Variants in CAPZA1 observed in about 807,000 individuals in gnomAD.
CAPZA1 encodes the protein capping actin protein of muscle Z-line subunit alpha 1.
In CAPZA1, 10 loss-of-function variants were observed where a neutral mutation model predicts 40.8. That is an observed-to-expected ratio of 0.25 (90% CI 0.15 to 0.42). CAPZA1 has a LOEUF of 0.42. Ranked by LOEUF, CAPZA1 falls within the 10% of genes least tolerant of loss-of-function variation. The probability of loss-of-function intolerance (pLI) is 1.00; values close to 1 mark genes in which losing one functional copy is unlikely to be tolerated. For missense variants in CAPZA1, 277 were observed against 353.8 expected (o/e 0.78, Z 1.74); for synonymous variants, 98 against 115.0 (o/e 0.85, Z 0.95).
chr1:112,669,724 T>C (rs2101195828), intron 9 of CAPZA1, 119 bp downstream of exon 9: 2 of 843,760 alleles, frequency 2.4e-6, no homozygotes, highest in East Asian at 2.6e-5. Flanking sequence ...TTTTACTAAA[T>C]GTGGGAGACT....
chr1:112,622,568 A>C lies in CAPZA1; in HGVS notation c.39+2685A>C, dbSNP rs564963477. On this transcript the variant is annotated intron_variant, in intron 1 of 9. Coordinates refer to ENST00000263168, the MANE Select transcript of CAPZA1 (RefSeq NM_006135.3). ...CAACATTTGTAAAACATAAAAGCAA[A>C]GAGAATTTTGGGGGGCTGGAAAAAA... Among the ~76,000 whole-genome samples the C allele has an allele frequency of 9.1e-4, 139 of 152,320 alleles. 1 individual carries two copies. The highest frequency in any genetic ancestry group is 3.2e-3 in the African/African-American group (134 of 41,566).
At chr1:112,630,414 G>T (rs1670898024) in intron 1 of CAPZA1, among the ~76,000 whole-genome samples, 1 of 151,908 alleles carries the variant, frequency 6.6e-6, no homozygotes, top group African/African-American at 2.4e-5. Flanking sequence ...TGCCATCTCG[G>T]CTCACTGCAA....
chr1:112,629,889 A>G (rs1570701575), intron 1 of CAPZA1, among the ~76,000 whole-genome samples: 1 of 151,746 alleles, frequency 6.6e-6, no homozygotes, highest in African/African-American at 2.4e-5. Context: ...ACCCTATCTA[A>G]AGTACTTTGC....
chr1:112,667,043 C>A (rs778123249), intron 7 of CAPZA1, 31 bp from the exon 8 acceptor site: 11 of 1,538,370 alleles, frequency 7.2e-6, no homozygotes, highest in Non-Finnish European at 9.8e-6. Context: ...ATGAACTTCC[C>A]CTAAAAAGGC....
At chr1:112,638,788 A>AT (rs1671070489) in intron 1 of CAPZA1, among the ~76,000 whole-genome samples, 2 of 151,278 alleles carry the variant, frequency 1.3e-5, no homozygotes, top group Non-Finnish European at 3.0e-5. Context: ...TACAAACATT[A>AT]GCCAGGTGTG....
chr1:112,666,850 TAATAATC>T (rs2101192524), intron 7 of CAPZA1: 2 of 502,288 alleles, frequency 4.0e-6, no homozygotes, highest in East Asian at 6.5e-5. Flanking sequence ...TTCTTGAACT[TAATAATC>T]AGTTTTCCTT....
chr1:112,634,524 A>C (rs1356575687), intron 1 of CAPZA1, among the ~76,000 whole-genome samples: 1 of 152,140 alleles, frequency 6.6e-6, no homozygotes, highest in Admixed American at 6.6e-5. Flanking sequence ...TCTTTGAAGT[A>C]GTAATTTGAT....
Position 112,633,748 on chromosome 1 carries a change from A to G in CAPZA1, c.40-13462A>G, listed in dbSNP as rs555567220. Among the ~76,000 whole-genome samples, 142 of 152,184 alleles carry G rather than the reference A, an allele frequency of 9.3e-4. 1 individual carries two copies. The highest frequency in any genetic ancestry group is 3.3e-3 in the African/African-American group (138 of 41,554). Reference sequence around the variant, plus strand: ...CTTTTTCTCCTTATCCTGGCCCAAGACTTGTTATCATTTGTCTTTTTGATA... The same window carrying G: ...CTTTTTCTCCTTATCCTGGCCCAAGGCTTGTTATCATTTGTCTTTTTGATA... On this transcript the variant is annotated intron_variant, in intron 1 of 9. Transcript: ENST00000263168.
intron 1 of CAPZA1, among the ~76,000 whole-genome samples, chr1:112,631,424 T>C (rs1292435533): frequency 6.6e-6 from 1 of 152,140 alleles, no homozygotes; most frequent in Non-Finnish European, 1.5e-5. Flanking sequence ...GTAGGTTTTA[T>C]AATCACAAAT....
Position 112,659,107 on chromosome 1 carries a change from A to G in CAPZA1, c.506+6A>G. On this transcript the variant is annotated splice_donor_region_variant and intron_variant, in intron 6 of 9. Transcript: ENST00000263168. ...TTTCAGCCTAAAAACTTCTGGTAAGAAGTAGATATTCTCTTCTATTTACAT... is the reference window on the plus strand; with the variant it reads ...TTTCAGCCTAAAAACTTCTGGTAAGGAGTAGATATTCTCTTCTATTTACAT... The G allele has an allele frequency of 6.3e-7, 1 of 1,585,496 alleles. No homozygotes were observed. The highest frequency in any genetic ancestry group is 8.7e-7 in the Non-Finnish European group (1 of 1,154,360).
intron 1 of CAPZA1, among the ~76,000 whole-genome samples, chr1:112,639,283 T>C (rs917463449): frequency 1.3e-5 from 2 of 152,170 alleles, no homozygotes; most frequent in Admixed American, 6.5e-5. Flanking sequence ...CTCGCTTTCA[T>C]TTAAAAACTG....
intron 5 of CAPZA1, among the ~76,000 whole-genome samples, chr1:112,655,099 A>G (rs1330690168): frequency 6.6e-6 from 1 of 152,110 alleles, no homozygotes; most frequent in African/African-American, 2.4e-5. Flanking sequence ...GCTTTTGCTC[A>G]TATTTATGGC....
intron 7 of CAPZA1, among the ~76,000 whole-genome samples, chr1:112,666,240 A>G (rs535272024): frequency 5.7e-4 from 87 of 152,224 alleles, no homozygotes; most frequent in Middle Eastern, 3.4e-3. Flanking sequence ...TCCAAATTAA[A>G]CCAGTTATAC....
chr1:112,620,076 T>G, intron 1 of CAPZA1, 193 bp downstream of exon 1: 3 of 536,384 alleles, frequency 5.6e-6, no homozygotes, highest in Non-Finnish European at 1.0e-5. Context: ...CAGTTCCTCG[T>G]TCCTCGACTC....
intron 9 of CAPZA1, 33 bp from the exon 10 acceptor site, chr1:112,669,959 T>G (rs754385708): frequency 6.2e-7 from 1 of 1,613,018 alleles, no homozygotes; most frequent in South Asian, 1.1e-5. Context: ...CCCATTTCTG[T>G]TCAAGCAACT....
At chr1:112,649,106 G>A (rs181336192) in intron 2 of CAPZA1, among the ~76,000 whole-genome samples, 144 of 152,260 alleles carry the variant, frequency 9.5e-4, no homozygotes, top group Middle Eastern at 6.8e-3. Flanking sequence ...TTGTAGAAAC[G>A]CCTGCAATTC....
intron 1 of CAPZA1, among the ~76,000 whole-genome samples, chr1:112,642,417 A>T (rs946118685): frequency 2.0e-5 from 3 of 151,514 alleles, no homozygotes; most frequent in African/African-American, 7.3e-5. Flanking sequence ...GGGTTTCACC[A>T]TCTTGGCCAG....
chr1:112,634,399 G>C (rs539422291), intron 1 of CAPZA1, among the ~76,000 whole-genome samples: 12 of 152,252 alleles, frequency 7.9e-5, no homozygotes, highest in Admixed American at 1.3e-4. Context: ...TTTTCATAAA[G>C]CTTTTTTGGT....
chr1:112,669,956 C>T, intron 9 of CAPZA1, 36 bp from the exon 10 acceptor site: 1 of 1,612,624 alleles, frequency 6.2e-7, no homozygotes, highest in Non-Finnish European at 8.5e-7. Context: ...AGCCCCATTT[C>T]TGTTCAAGCA....
Sources: allele counts gnomAD v4.1 joint callset (sites outside exome capture counted in the v4.1 genomes callset), GRCh38; gene constraint gnomAD v4.1.1; transcripts MANE v1.5; gene names NCBI Gene and HGNC (gene_info 2026-07-23, HGNC 2026-07-21).